HOGA1: variants seen among roughly 807,000 people sequenced by gnomAD.
HOGA1 encodes 4-hydroxy-2-oxoglutarate aldolase, mitochondrial.
Under a neutral mutation model 34.3 loss-of-function variants are expected in HOGA1, and 30 were observed. The ratio of observed to expected loss-of-function variants is 0.87; its 90% CI spans 0.65 to 1.19. HOGA1 has a LOEUF of 1.19. Ranked by LOEUF, HOGA1 falls within the 50% of genes most tolerant of loss-of-function variation. HOGA1 has a pLI of 0.00. For missense variants in HOGA1, 417 were observed against 436.5 expected (o/e 0.96, Z 0.40); for synonymous variants, 161 against 174.0 (o/e 0.93, Z 0.59).
chr10:97,585,144 C>T (rs533868366), intron 1 of HOGA1, among the ~76,000 whole-genome samples: 1 of 152,274 alleles, frequency 6.6e-6, no homozygotes, highest in South Asian at 2.1e-4. Context: ...TTCAGTTTAC[C>T]CAGCTGTAAA....
rs1454124296 is a variant in HOGA1, at chr10:97,603,096, G to A, written c.834+1106G>A. Among the ~76,000 whole-genome samples the A allele has an allele frequency of 6.6e-6, 1 of 152,096 alleles. No homozygotes were observed. The highest frequency in any genetic ancestry group is 1.5e-5 in the Non-Finnish European group (1 of 68,024). ...GGCCCACTGCAACCTCCGCCTCCCTGGTGCGAGCAATTCTCCTGTCTCAGC... is the reference window on the plus strand; with the variant it reads ...GGCCCACTGCAACCTCCGCCTCCCTAGTGCGAGCAATTCTCCTGTCTCAGC... On this transcript the variant is annotated intron_variant, in intron 6 of 6. Coordinates refer to ENST00000370646, the MANE Select transcript of HOGA1 (RefSeq NM_138413.4). This position sits in a 1 kb window ranked among gnomAD's most constrained non-coding sequence, Gnocchi z 4.5.
At chr10:97,590,045 G>T (rs148949699) in intron 1 of HOGA1, 5 of 1,614,092 alleles carry the variant, frequency 3.1e-6, no homozygotes, top group Non-Finnish European at 4.2e-6. Flanking sequence ...GCTGGCCCTC[G>T]ACAACAATGC....
intron 6 of HOGA1, among the ~76,000 whole-genome samples, chr10:97,610,244 G>C (rs905940158): frequency 2.6e-5 from 4 of 152,214 alleles, no homozygotes; most frequent in African/African-American, 9.7e-5. Flanking sequence ...AAGGTGGGCA[G>C]ATCACTTGAG....
At position 97,612,019 on chromosome 10, in the gene HOGA1, CTTT is replaced by C. The variant is rs869302447; in HGVS notation, c.*373_*375del. 6.6e-4 allele frequency: 103 copies of C among 155,586 alleles called. No homozygotes were observed. The highest frequency in any genetic ancestry group is 1.7e-3 in the East Asian group (10 of 5,754). 9.6% of individuals were successfully genotyped at this position (155,586 alleles called of 1,614,324 possible). On this transcript the variant is annotated 3_prime_UTR_variant, in exon 7 of 7. Coordinates refer to ENST00000370646, the MANE Select transcript of HOGA1 (RefSeq NM_138413.4). ...AGGCACAGTAAGGGAATTTTCTTTT[CTTT>C]TTTTTTTTTTTTGAGACAGAGTTTC...
chr10:97,611,771 T>G lies in HOGA1; in HGVS notation c.*112T>G, dbSNP rs1014075770. The G allele has an allele frequency of 2.2e-6, 3 of 1,334,402 alleles. No individual in the cohort carries two copies. The highest frequency in any genetic ancestry group is 3.1e-6 in the Non-Finnish European group (3 of 967,856). The allele number at this position is 1,334,402 out of a possible 1,614,324, so 82.7% of individuals were successfully genotyped here. A position where few individuals can be genotyped will look rare whatever the true frequency, so the allele number is the denominator to read the frequency against. On this transcript the variant is annotated 3_prime_UTR_variant, in exon 7 of 7. Coordinates refer to ENST00000370646, the MANE Select transcript of HOGA1 (RefSeq NM_138413.4). ...AGGGTGGCAGGCAGCGGGGAGCCGA[T>G]AGAGGCTCCTTTGCCTGCTGTGGTC...
At chr10:97,596,548 C>T (rs1275576592) in intron 1 of HOGA1, among the ~76,000 whole-genome samples, 1 of 152,156 alleles carries the variant, frequency 6.6e-6, no homozygotes, top group Non-Finnish European at 1.5e-5. Flanking sequence ...GCAGCTTTTA[C>T]GGAGAGCACT....
intron 1 of HOGA1, among the ~76,000 whole-genome samples, chr10:97,596,840 C>T (rs969589060): frequency 1.5e-4 from 23 of 152,076 alleles, no homozygotes; most frequent in Non-Finnish European, 2.9e-4. Flanking sequence ...GTCTACATCA[C>T]ACAGTGTCCC....
intron 1 of HOGA1, among the ~76,000 whole-genome samples, chr10:97,588,195 CTTTCTTTTTT>C (rs1008930676): frequency 2.3e-5 from 3 of 131,346 alleles, no homozygotes; most frequent in Non-Finnish European, 5.0e-5. Flanking sequence ...TTTGTTTTTT[CTTTCTTTTTT>C]TTTTTTTTTT....
chr10:97,589,938 C>A (rs1200454377), intron 1 of HOGA1: 2 of 1,614,054 alleles, frequency 1.2e-6, no homozygotes, highest in Admixed American at 3.3e-5. Flanking sequence ...AAGGAAACCT[C>A]TGAGTGTCCA....
chr10:97,610,445 G>A (rs912335583), intron 6 of HOGA1, among the ~76,000 whole-genome samples: 6 of 152,058 alleles, frequency 3.9e-5, no homozygotes, highest in Non-Finnish European at 7.4e-5. Flanking sequence ...TCTAGCCTGA[G>A]TGGCACAGTG....
intron 2 of HOGA1, 48 bp downstream of exon 2, chr10:97,598,951 C>A: frequency 1.2e-6 from 2 of 1,611,360 alleles, no homozygotes; most frequent in Non-Finnish European, 1.7e-6. Flanking sequence ...TGTGCAGGAT[C>A]CAGGCTCCTA....
At chr10:97,600,448 A>C in intron 5 of HOGA1, 1 of 505,784 alleles carries the variant, frequency 2.0e-6, no homozygotes, top group East Asian at 3.7e-5. Context: ...ATTAGATGAC[A>C]AACTTAGCTG....
At chr10:97,589,112 GT>G (rs2040996956) in intron 1 of HOGA1, among the ~76,000 whole-genome samples, 1 of 152,084 alleles carries the variant, frequency 6.6e-6, no homozygotes, top group South Asian at 2.1e-4. Flanking sequence ...ACCCGATGAA[GT>G]CTCCTGTCCA....
intron 6 of HOGA1, chr10:97,602,389 A>G: frequency 8.4e-7 from 1 of 1,193,480 alleles, no homozygotes; most frequent in Non-Finnish European, 1.1e-6. Context: ...TCCTGAAAAA[A>G]TAGGAATGAC....
chr10:97,584,624 A>G lies in HOGA1; in HGVS notation c.-80A>G. On this transcript the variant is annotated 5_prime_UTR_variant, in exon 1 of 7. Coordinates refer to ENST00000370646, the MANE Select transcript of HOGA1 (RefSeq NM_138413.4). The stretch of plus-strand genomic sequence containing the variant: ...AAATTTTTAACTAGAAACATTGATC[A>G]TTAATAGGGGGTTAGAAAGAGTTCA... The G allele has an allele frequency of 3.1e-6, 4 of 1,274,180 alleles. No homozygotes were observed. The highest frequency in any genetic ancestry group is 4.4e-6 in the Non-Finnish European group (4 of 909,122). 78.9% of individuals were successfully genotyped at this position (1,274,180 alleles called of 1,614,324 possible).
At chr10:97,590,492 T>A (rs1211727831) in intron 1 of HOGA1, 3 of 1,613,158 alleles carry the variant, frequency 1.9e-6, no homozygotes, top group Non-Finnish European at 2.5e-6. Context: ...CACACACACC[T>A]TCTATGGCCA....
At chr10:97,593,110 A>G (rs2041041258) in intron 1 of HOGA1, among the ~76,000 whole-genome samples, 1 of 152,010 alleles carries the variant, frequency 6.6e-6, no homozygotes, top group Non-Finnish European at 1.5e-5. Flanking sequence ...AGTAGTTAAC[A>G]GCTTCTAGGC....
chr10:97,611,757 C>G lies in HOGA1; in HGVS notation c.*98C>G. On this transcript the variant is annotated 3_prime_UTR_variant, in exon 7 of 7. Coordinates refer to ENST00000370646, the MANE Select transcript of HOGA1 (RefSeq NM_138413.4). ...AGCACAGGGGGATGAGGGTGGCAGG[C>G]AGCGGGGAGCCGATAGAGGCTCCTT... 1.4e-6 allele frequency: 2 copies of G among 1,442,428 alleles called. No individual in the cohort carries two copies. Among genetic ancestry groups the G allele is most frequent in the Middle Eastern group, 2.2e-4 (1 of 4,488 alleles). The allele number at this position is 1,442,428 out of a possible 1,614,324, so 89.4% of individuals were successfully genotyped here.
intron 1 of HOGA1, among the ~76,000 whole-genome samples, chr10:97,595,376 A>C (rs977514542): frequency 3.9e-5 from 6 of 152,228 alleles, no homozygotes; most frequent in African/African-American, 1.2e-4. Flanking sequence ...GTACTTTATA[A>C]ATAGTATCTC....
Sources: gnomAD v4.1 joint callset for allele counts (sites outside exome capture counted in the v4.1 genomes callset) on GRCh38, gnomAD v4.1.1 for gene constraint, Gnocchi (gnomAD v3.1) non-coding constraint, MANE v1.5 for transcripts, NCBI Gene and HGNC (gene_info 2026-07-23, HGNC 2026-07-21) for gene names.